The following ELOF1 variants were observed in gnomAD, a reference collection of about 807,000 sequenced individuals.
ELOF1 encodes the protein elongation factor 1, also known as transcription elongation factor 1 homolog.
ELOF1 carries 4 observed loss-of-function variants against 7.1 expected under a neutral mutation model. The ratio of observed to expected loss-of-function variants is 0.56; its 90% CI spans 0.28 to 1.29. The LOEUF (loss-of-function observed/expected upper bound fraction) is 1.29. Among genes scored for constraint, ELOF1 ranks in the 50% most tolerant of loss-of-function variants. ELOF1 has a pLI of 0.10. For missense variants in ELOF1, 59 were observed against 86.3 expected, an observed-to-expected ratio of 0.68 and a Z score of 1.25; for synonymous variants, 31 against 31.9, an observed-to-expected ratio of 0.97 and a Z score of 0.09.
chr19:11,553,377 A>G lies in ELOF1; in HGVS notation c.188-322T>C, dbSNP rs1972759430. ...ACAGTCCCCCAATTCCGCCGGGGGG[A>G]GCCAGAGCCCCAAGGCTGGGGGGCC... On this transcript the variant is annotated intron_variant, in intron 3 of 3. Transcript: ENST00000586683. The G allele has an allele frequency of 1.1e-5, 5 of 449,086 alleles. No homozygotes were observed. In the East Asian group the frequency reaches 1.7e-4, roughly 15 times the overall value. The allele number at this position is 449,086 out of a possible 1,614,324, so 27.8% of individuals were successfully genotyped here. A position where few individuals can be genotyped will look rare whatever the true frequency, so the allele number is the denominator to read the frequency against.
In ELOF1 at chr19:11,554,098, G is replaced by GA. The variant is rs1197993702; in HGVS notation, c.117-18dup. On this transcript the variant is annotated splice_polypyrimidine_tract_variant and intron_variant, in intron 2 of 3. Transcript: ENST00000586683. ...GCACGGTCCCTGAAACAGACCAAGA[G>GA]AAGGGACTGGTGAGCAATGCGTCCT... The GA allele has an allele frequency of 6.2e-7, 1 of 1,614,226 alleles. No homozygotes were observed. The highest frequency in any genetic ancestry group is 1.7e-5 in the Admixed American group (1 of 60,024).
intron 1 of ELOF1, among the ~76,000 whole-genome samples, chr19:11,556,104 G>A (rs1972829990): frequency 6.6e-6 from 1 of 152,174 alleles, no homozygotes; most frequent in South Asian, 2.1e-4. Flanking sequence ...ACTCCCCTGC[G>A]AGGCACGGTG....
intron 1 of ELOF1, chr19:11,558,863 GACA>G (rs936370699): frequency 3.3e-5 from 5 of 152,174 alleles, no homozygotes; most frequent in South Asian, 2.1e-4. Context: ...CCTGTCCTGT[GACA>G]ACGTTAAGTC....
exon 2 of ELOF1, chr19:11,554,360 A>C (rs762056453): frequency 6.2e-7 from 1 of 1,613,494 alleles, no homozygotes; most frequent in Non-Finnish European, 8.5e-7. Context: ...CTGCAGGTGG[A>C]TGAGCCTGTG....
At chr19:11,557,886 A>T (rs997980001) in intron 1 of ELOF1, among the ~76,000 whole-genome samples, 3 of 152,114 alleles carry the variant, frequency 2.0e-5, no homozygotes, top group Non-Finnish European at 4.4e-5. Flanking sequence ...CCATGAGTTT[A>T]ATTGTTGGAT....
At chr19:11,557,824 C>T (rs574052608) in intron 1 of ELOF1, among the ~76,000 whole-genome samples, 4 of 151,152 alleles carry the variant, frequency 2.6e-5, no homozygotes, top group Non-Finnish European at 3.0e-5. Context: ...ACCTGGGAGG[C>T]GGAGGTTGCA....
At chr19:11,559,155 C>G (rs1277669286) in intron 1 of ELOF1, 36 bp downstream of exon 1, 3 of 152,542 alleles carry the variant, frequency 2.0e-5, no homozygotes, top group African/African-American at 7.2e-5. Flanking sequence ...CTGCCCACCC[C>G]CAACGCCCAC....
At chr19:11,554,245 A>T (rs768030543) in exon 2 of ELOF1, 1 of 1,613,400 alleles carries the variant, frequency 6.2e-7, no homozygotes, top group South Asian at 1.1e-5. Context: ...TTCACATCAC[A>T]GGATTTCTCG....
intron 1 of ELOF1, among the ~76,000 whole-genome samples, chr19:11,556,348 G>T (rs1263874547): frequency 1.3e-5 from 2 of 151,720 alleles, no homozygotes; most frequent in African/African-American, 4.8e-5. Context: ...CGCCCAGGCT[G>T]GAGTGCAGTG....
chr19:11,558,191 A>G (rs528843936), intron 1 of ELOF1, among the ~76,000 whole-genome samples: 154 of 152,160 alleles, frequency 1.0e-3, no homozygotes, highest in African/African-American at 3.4e-3. Context: ...TTCATCCTCA[A>G]TGTCTTTTTC....
chr19:11,554,389 T>C (rs1168789262), intron 1 of ELOF1, 24 bp from the exon 2 acceptor site: 6 of 1,604,952 alleles, frequency 3.7e-6, no homozygotes, highest in Non-Finnish European at 4.3e-6. Flanking sequence ...CAGATGTCAG[T>C]GGTTTGAGGA....
At chr19:11,553,269 G>A (rs1972756715) in intron 3 of ELOF1, 1 of 398,722 alleles carries the variant, frequency 2.5e-6, no homozygotes, top group East Asian at 3.6e-5. Flanking sequence ...AAGTCCAGTT[G>A]AGATGGGCAC....
chr19:11,554,304 T>G, exon 2 of ELOF1: 1 of 1,613,940 alleles, frequency 6.2e-7, no homozygotes. Context: ...GCCTGTCATC[T>G]TCTTCTTGGG....
intron 3 of ELOF1, chr19:11,553,256 G>A (rs1032993271): frequency 3.0e-5 from 12 of 396,150 alleles, no homozygotes; most frequent in Admixed American, 1.7e-4. Context: ...GAAGGAGAGC[G>A]GGAAGTCCAG....
chr19:11,558,279 C>T (rs896395161), intron 1 of ELOF1, among the ~76,000 whole-genome samples: 2 of 151,992 alleles, frequency 1.3e-5, no homozygotes, highest in African/African-American at 4.8e-5. Flanking sequence ...CCACGCCCAG[C>T]TAATTTTTGT....
At chr19:11,553,477 C>T (rs950229356) in intron 3 of ELOF1, 7 of 587,264 alleles carry the variant, frequency 1.2e-5, no homozygotes, top group African/African-American at 9.3e-5. Flanking sequence ...CCCAGGAACC[C>T]GACACCACCG....
intron 1 of ELOF1, among the ~76,000 whole-genome samples, chr19:11,556,918 CCTTTT>C (rs1180253951): frequency 2.0e-5 from 3 of 152,172 alleles, no homozygotes; most frequent in Non-Finnish European, 2.9e-5. Context: ...GCTCCCATCC[CCTTTT>C]CTTTGAGCAA....
At chr19:11,553,697 C>T (rs1444298665) in intron 3 of ELOF1, 3 of 1,612,386 alleles carry the variant, frequency 1.9e-6, no homozygotes, top group Non-Finnish European at 2.5e-6. Flanking sequence ...AACCGAACAG[C>T]TGGATCCACA....
chr19:11,554,268 G>C, exon 2 of ELOF1: 3 of 1,613,950 alleles, frequency 1.9e-6, no homozygotes, highest in Non-Finnish European at 2.5e-6. Flanking sequence ...GTTGCAGAAG[G>C]GGCAGGTGAA....
Sources: gnomAD v4.1 joint callset for allele counts (sites outside exome capture counted in the v4.1 genomes callset) on GRCh38, gnomAD v4.1.1 for gene constraint, MANE v1.5 for transcripts, NCBI Gene and HGNC (gene_info 2026-07-23, HGNC 2026-07-21) for gene names.